The following PAN3 variants were observed in gnomAD, a reference collection of about 807,000 sequenced individuals.
PAN3 encodes the protein PAN2-PAN3 deadenylation complex subunit PAN3.
Under a neutral mutation model 96.2 loss-of-function variants are expected in PAN3, and 19 were observed. The ratio of observed to expected loss-of-function variants is 0.20; its 90% CI spans 0.14 to 0.29. PAN3 has a LOEUF of 0.29. Among genes scored for constraint, PAN3 ranks in the 10% least tolerant of loss-of-function variants. The probability of loss-of-function intolerance (pLI) is 1.00; values close to 1 mark genes in which losing one functional copy is unlikely to be tolerated. For missense variants in PAN3, 882 were observed against 1,108.1 expected (o/e 0.80, Z 2.90); for synonymous variants, 433 against 406.6 (o/e 1.06, Z -0.78).
intron 9 of PAN3, among the ~76,000 whole-genome samples, chr13:28,262,545 T>C (rs1593590538): frequency 1.3e-5 from 2 of 152,288 alleles, no homozygotes; most frequent in Admixed American, 6.5e-5. Flanking sequence ...CTTTGAAATA[T>C]TCATCTTGGA....
At chr13:28,245,271 A>T (rs1435267687) in intron 6 of PAN3, among the ~76,000 whole-genome samples, 1 of 152,148 alleles carries the variant, frequency 6.6e-6, no homozygotes, top group Non-Finnish European at 1.5e-5. Flanking sequence ...TTGTTTAAGT[A>T]ATCTGTTATT....
chr13:28,230,485 T>C (rs999337129), intron 6 of PAN3, among the ~76,000 whole-genome samples: 1 of 152,124 alleles, frequency 6.6e-6, no homozygotes, highest in African/African-American at 2.4e-5. Flanking sequence ...TGTTACACTT[T>C]AATATGTATG....
chr13:28,230,448 CT>C (rs1359150688), intron 6 of PAN3, among the ~76,000 whole-genome samples: 1 of 151,108 alleles, frequency 6.6e-6, no homozygotes, highest in Non-Finnish European at 1.5e-5. Context: ...GGTTCTGGAA[CT>C]AGTAATCAGA....
intron 1 of PAN3, among the ~76,000 whole-genome samples, chr13:28,148,293 A>AT (rs902690366): frequency 6.6e-6 from 1 of 151,744 alleles, no homozygotes; most frequent in African/African-American, 2.4e-5. Context: ...GTATATATAT[A>AT]TTTTTTAGAG....
chr13:28,284,431 A>T (rs1308048939), intron 17 of PAN3, among the ~76,000 whole-genome samples: 1 of 141,274 alleles, frequency 7.1e-6, no homozygotes, highest in South Asian at 2.2e-4. Context: ...AGACATTTGT[A>T]TATGTCTGTA....
intron 5 of PAN3, among the ~76,000 whole-genome samples, chr13:28,200,102 C>T (rs1394941020): frequency 6.6e-6 from 1 of 152,152 alleles, no homozygotes; most frequent in Non-Finnish European, 1.5e-5. Context: ...TATTTGAGTC[C>T]ACTTTTGTCA....
intron 6 of PAN3, among the ~76,000 whole-genome samples, chr13:28,244,796 T>C (rs1884020092): frequency 1.3e-5 from 2 of 152,204 alleles, no homozygotes; most frequent in East Asian, 1.9e-4. Flanking sequence ...TGATGCTTTT[T>C]TTCCCCCACA....
Position 28,174,254 on chromosome 13 carries a change from A to T in PAN3, c.431-18A>T. 6.2e-7 allele frequency: 1 copy of T among 1,603,638 alleles called. No individual in the cohort carries two copies. The highest frequency in any genetic ancestry group is 1.3e-5 in the African/African-American group (1 of 74,472). On this transcript the variant is annotated intron_variant, in intron 1 of 18. Coordinates refer to ENST00000380958, the MANE Select transcript of PAN3 (RefSeq NM_175854.8). Reference sequence around the variant, plus strand: ...CTCTGAAATAATTTTAAATACTTGAATTTTCCTTCTCTTTCAGTTCCAGGA... The same window carrying T: ...CTCTGAAATAATTTTAAATACTTGATTTTTCCTTCTCTTTCAGTTCCAGGA...
At chr13:28,140,281 CTG>C (rs1869536670) in intron 1 of PAN3, among the ~76,000 whole-genome samples, 1 of 152,148 alleles carries the variant, frequency 6.6e-6, no homozygotes, top group Admixed American at 6.6e-5. Flanking sequence ...TGAGCGTAAT[CTG>C]TTAGAGAATG....
intron 1 of PAN3, among the ~76,000 whole-genome samples, chr13:28,171,076 G>A (rs981993268): frequency 6.6e-5 from 10 of 152,116 alleles, no homozygotes; most frequent in African/African-American, 2.4e-4. Context: ...GATTACAGGT[G>A]TGAGCCACCA....
At chr13:28,185,030 A>G (rs1166149806) in intron 4 of PAN3, among the ~76,000 whole-genome samples, 1 of 152,194 alleles carries the variant, frequency 6.6e-6, no homozygotes, top group Non-Finnish European at 1.5e-5. Context: ...TTGTTAAAAT[A>G]ACATGGAAAT....
chr13:28,229,497 T>A (rs1882320712), intron 6 of PAN3, among the ~76,000 whole-genome samples: 1 of 152,214 alleles, frequency 6.6e-6, no homozygotes, highest in Non-Finnish European at 1.5e-5. Context: ...ATACACTGAC[T>A]CTTTACATAT....
At chr13:28,191,223 T>G (rs1877219349) in intron 4 of PAN3, among the ~76,000 whole-genome samples, 1 of 152,242 alleles carries the variant, frequency 6.6e-6, no homozygotes, top group East Asian at 1.9e-4. Flanking sequence ...TTTTCTGATC[T>G]TCTCTTTAAC....
rs761573334 is a variant in PAN3, at chr13:28,281,297, T to C, written c.2320-18T>C. The C allele has an allele frequency of 2.5e-6, 4 of 1,599,364 alleles. No individual in the cohort carries two copies. In the African/African-American group the frequency reaches 4.0e-5, roughly 16 times the overall value. On this transcript the variant is annotated intron_variant, in intron 16 of 18. Transcript: ENST00000380958. ...ATCTGGAACATTAACATTTTTCTCT[T>C]TTTAAAATGTTTTATAGGAGGTTCA...
At chr13:28,160,039 G>A (rs546167917) in intron 1 of PAN3, among the ~76,000 whole-genome samples, 3 of 151,832 alleles carry the variant, frequency 2.0e-5, no homozygotes, top group African/African-American at 4.8e-5. Context: ...CTGGGTTCAC[G>A]TGATTCTCCT....
chr13:28,235,720 C>CAA (rs1385064785), intron 6 of PAN3, among the ~76,000 whole-genome samples: 16 of 150,440 alleles, frequency 1.1e-4, no homozygotes, highest in African/African-American at 3.9e-4. Context: ...CACACACACA[C>CAA]ACATATATAT....
chr13:28,229,555 T>C (rs550638649), intron 6 of PAN3, among the ~76,000 whole-genome samples: 4 of 152,232 alleles, frequency 2.6e-5, no homozygotes, highest in Non-Finnish European at 5.9e-5. Flanking sequence ...TACTTAGATT[T>C]GTTATTCTTT....
chr13:28,232,649 T>A (rs1303230494), intron 6 of PAN3: 2 of 151,868 alleles, frequency 1.3e-5, no homozygotes, highest in South Asian at 2.1e-4. Flanking sequence ...AAATAAAAAA[T>A]TTATAAAATA....
intron 6 of PAN3, among the ~76,000 whole-genome samples, chr13:28,252,663 A>G (rs1413058124): frequency 1.3e-5 from 2 of 152,068 alleles, no homozygotes; most frequent in African/African-American, 4.8e-5. Flanking sequence ...TTAATTTATC[A>G]TATATTACTT....
Sources: gnomAD v4.1 joint callset for allele counts (sites outside exome capture counted in the v4.1 genomes callset) on GRCh38, gnomAD v4.1.1 for gene constraint, MANE v1.5 for transcripts, NCBI Gene and HGNC (gene_info 2026-07-23, HGNC 2026-07-21) for gene names.